The following CACNA2D3 variants were observed in gnomAD, a reference collection of about 807,000 sequenced individuals.
CACNA2D3 encodes calcium voltage-gated channel auxiliary subunit alpha2delta 3, also known as voltage-dependent calcium channel subunit alpha-2/delta-3.
Under a neutral mutation model 160.6 loss-of-function variants are expected in CACNA2D3, and 60 were observed. The ratio of observed to expected loss-of-function variants is 0.37; its 90% CI spans 0.30 to 0.46. The LOEUF (loss-of-function observed/expected upper bound fraction) is 0.46, where lower values mean the gene tolerates loss of function less well. CACNA2D3 is among the 20% of genes least tolerant of loss of function. The pLI is 1.00. For synonymous variants in CACNA2D3, 558 were observed against 492.9 expected (o/e 1.13, Z -1.75); for missense variants, 1,205 against 1,365.0 (o/e 0.88, Z 1.85).
chr3:54,996,187 T>G (rs1392285433), intron 31 of CACNA2D3, among the ~76,000 whole-genome samples: 1 of 152,254 alleles, frequency 6.6e-6, no homozygotes, highest in Admixed American at 6.5e-5. Flanking sequence ...GGACCTGGCT[T>G]CACGAATGTG....
intron 5 of CACNA2D3, among the ~76,000 whole-genome samples, chr3:54,512,991 A>G (rs779977471): frequency 6.6e-6 from 1 of 152,154 alleles, no homozygotes; most frequent in African/African-American, 2.4e-5. Flanking sequence ...TTATAAAACC[A>G]TCAGATCTCG....
At chr3:54,515,219 A>AGAGG (rs1460581857) in intron 5 of CACNA2D3, among the ~76,000 whole-genome samples, 1 of 151,504 alleles carries the variant, frequency 6.6e-6, no homozygotes. Context: ...AGAGAGAGAG[A>AGAGG]GAAAGAGAGA....
chr3:54,171,177 C>T (rs935527674), intron 2 of CACNA2D3, among the ~76,000 whole-genome samples: 1 of 97,664 alleles, frequency 1.0e-5, no homozygotes, highest in African/African-American at 3.7e-5. Context: ...CTAGATGATC[C>T]GGGAAGTTGC....
intron 18 of CACNA2D3, chr3:54,878,812 C>A: frequency 2.4e-6 from 1 of 410,876 alleles, no homozygotes; most frequent in Admixed American, 4.4e-5. Context: ...ACACGAGCTC[C>A]CCAAATTAAA....
chr3:54,794,165 A>G (rs1362155915), intron 13 of CACNA2D3, among the ~76,000 whole-genome samples: 1 of 152,106 alleles, frequency 6.6e-6, no homozygotes, highest in Non-Finnish European at 1.5e-5. Context: ...CTTTTTCTAC[A>G]TCATTTTGAA....
chr3:54,524,349 T>A (rs562664484), intron 5 of CACNA2D3, among the ~76,000 whole-genome samples: 5 of 152,302 alleles, frequency 3.3e-5, no homozygotes, highest in South Asian at 4.1e-4. Flanking sequence ...TTTATTGCAT[T>A]GTGGTCAGAA....
chr3:54,129,111 A>G (rs560018577), intron 2 of CACNA2D3, among the ~76,000 whole-genome samples: 9 of 152,038 alleles, frequency 5.9e-5, no homozygotes, highest in Non-Finnish European at 1.3e-4. Flanking sequence ...TGATTTTCCT[A>G]AATATTTAGT....
intron 4 of CACNA2D3, among the ~76,000 whole-genome samples, chr3:54,394,283 G>A (rs1699334178): frequency 6.6e-6 from 1 of 151,178 alleles, no homozygotes; most frequent in African/African-American, 2.4e-5. Context: ...TGGTGTGTAG[G>A]CAATCTGCCT....
chr3:55,012,562 A>G (rs1311313168), intron 34 of CACNA2D3, among the ~76,000 whole-genome samples: 1 of 152,060 alleles, frequency 6.6e-6, no homozygotes, highest in Admixed American at 6.6e-5. Context: ...TTTTTACTGA[A>G]TGCCATTCAC....
chr3:54,899,312 G>C (rs1293887651), intron 26 of CACNA2D3, among the ~76,000 whole-genome samples: 1 of 152,156 alleles, frequency 6.6e-6, no homozygotes, highest in African/African-American at 2.4e-5. Flanking sequence ...GAAAAACTGG[G>C]CTCGAAATTA....
At chr3:54,170,016 C>T (rs547463403) in intron 2 of CACNA2D3, among the ~76,000 whole-genome samples, 71 of 151,866 alleles carry the variant, frequency 4.7e-4, no homozygotes, top group Admixed American at 1.3e-3. Context: ...GGTGAAACTC[C>T]GTCACTACTA....
chr3:54,602,271 G>C (rs568736924), intron 9 of CACNA2D3, among the ~76,000 whole-genome samples: 59 of 152,280 alleles, frequency 3.9e-4, no homozygotes, highest in African/African-American at 1.3e-3. Context: ...GCCGAGGCAG[G>C]CGGATCACCT....
intron 5 of CACNA2D3, among the ~76,000 whole-genome samples, chr3:54,550,548 A>G (rs1272956941): frequency 6.6e-6 from 1 of 152,204 alleles, no homozygotes; most frequent in Non-Finnish European, 1.5e-5. Flanking sequence ...AGTTCTGTCT[A>G]TTGGAGACAG....
In CACNA2D3 at chr3:54,419,640, A is replaced by G. The variant is rs545701726; in HGVS notation, c.381+32866A>G. On this transcript the variant is annotated intron_variant, in intron 4 of 37. Transcript: ENST00000474759. Reference sequence around the variant, plus strand: ...TGGGACCTCCTGAGTTAAAAGTGACATTTAACTCTAGGGCAGGTAGTCTGA... The same window carrying G: ...TGGGACCTCCTGAGTTAAAAGTGACGTTTAACTCTAGGGCAGGTAGTCTGA... 6.6e-5 allele frequency among the ~76,000 whole-genome samples: 10 copies of G among 152,304 alleles called. No homozygotes were observed. The South Asian group carries it at 2.1e-3, about 32-fold the overall frequency.
chr3:54,132,835 T>C (rs1259182605), intron 2 of CACNA2D3, among the ~76,000 whole-genome samples: 1 of 152,132 alleles, frequency 6.6e-6, no homozygotes, highest in Non-Finnish European at 1.5e-5. Flanking sequence ...CATATGACCC[T>C]GACAAGTCAG....
At chr3:54,612,109 C>T (rs1305524302) in intron 9 of CACNA2D3, among the ~76,000 whole-genome samples, 1 of 152,142 alleles carries the variant, frequency 6.6e-6, no homozygotes, top group South Asian at 2.1e-4. Context: ...CCTCTGCTCC[C>T]CTTGGGAAGA....
intron 27 of CACNA2D3, among the ~76,000 whole-genome samples, chr3:54,926,540 AC>A (rs2106944920): frequency 7.0e-6 from 1 of 143,288 alleles, no homozygotes; most frequent in African/African-American, 2.7e-5. Flanking sequence ...ACACACACAC[AC>A]ACACACACAC....
intron 27 of CACNA2D3, among the ~76,000 whole-genome samples, chr3:54,946,040 C>T (rs1701606427): frequency 6.6e-6 from 1 of 152,224 alleles, no homozygotes; most frequent in African/African-American, 2.4e-5. Context: ...CTCATTATCA[C>T]ATTTCCTTGG....
At chr3:54,519,731 C>T (rs1006161908) in intron 5 of CACNA2D3, among the ~76,000 whole-genome samples, 2 of 152,176 alleles carry the variant, frequency 1.3e-5, no homozygotes, top group Non-Finnish European at 2.9e-5. Flanking sequence ...AATGGATGGC[C>T]AACTTAGCAG....
Sources: allele counts gnomAD v4.1 joint callset (sites outside exome capture counted in the v4.1 genomes callset), GRCh38; gene constraint gnomAD v4.1.1; transcripts MANE v1.5; gene names NCBI Gene and HGNC (gene_info 2026-07-23, HGNC 2026-07-21).